Variants in SCGB1D4 observed in about 807,000 individuals in gnomAD.
SCGB1D4 encodes the protein IFN-gamma inducible SCGB (IIS).
In SCGB1D4, 6 loss-of-function variants were observed where a neutral mutation model predicts 8.1. The observed-to-expected ratio is 0.74, with a 90% CI of 0.40 to 1.45. The LOEUF (loss-of-function observed/expected upper bound fraction) is 1.45. Among genes scored for constraint, SCGB1D4 ranks in the 40% most tolerant of loss-of-function variants. The probability of loss-of-function intolerance (pLI) is 0.02; values close to 1 mark genes in which losing one functional copy is unlikely to be tolerated. For missense variants in SCGB1D4, 93 were observed against 95.0 expected (o/e 0.98, Z 0.09); for synonymous variants, 34 against 38.1 (o/e 0.89, Z 0.39).
chr11:62,297,754 T>G, intron 1 of SCGB1D4, 96 bp from the exon 2 acceptor site: 1 of 934,926 alleles, frequency 1.1e-6, no homozygotes, highest in East Asian at 2.5e-5. Flanking sequence ...CCCTGGGTTC[T>G]ATGTTTCTAT....
chr11:62,296,474 C>T (rs1590681956), intron 2 of SCGB1D4, 55 bp from the exon 3 acceptor site: 2 of 1,577,958 alleles, frequency 1.3e-6, no homozygotes, highest in East Asian at 2.2e-5. Flanking sequence ...CATGCTGCTG[C>T]TGGTGATGAT....
Position 62,297,457 on chromosome 11 carries a change from G to A in SCGB1D4, c.242+15C>T. On this transcript the variant is annotated intron_variant, in intron 2 of 2. Coordinates refer to ENST00000358585, the MANE Select transcript of SCGB1D4 (RefSeq NM_206998.2). ...GAGTTGAATTCTGCCTCTGCATAAA[G>A]GAGAAAGAAATTACCAGGACTTTTT... 1 of 1,599,804 alleles carries A rather than the reference G, an allele frequency of 6.3e-7. No homozygotes were observed. The highest frequency in any genetic ancestry group is 8.6e-7 in the Non-Finnish European group (1 of 1,168,816).
Position 62,298,010 on chromosome 11 carries a change from T to TTGTGTGTGTGTGTGTG in SCGB1D4, c.56-368_56-353dup, listed in dbSNP as rs71458409. 1.4e-4 allele frequency among the ~76,000 whole-genome samples: 16 copies of TTGTGTGTGTGTGTGTG among 116,224 alleles called. 1 individual carries two copies. The highest frequency in any genetic ancestry group is 4.0e-4 in the African/African-American group (12 of 30,114). The allele number at this position is 116,224 out of a possible 152,430, so 76.2% of individuals were successfully genotyped here. A position where few individuals can be genotyped will look rare whatever the true frequency, so the allele number is the denominator to read the frequency against. ...CCAGTGCCTGCCACCATGCCCGCTT[T>TTGTGTGTGTGTGTGTG]TGTGTGTGTGTGTGTGTGTGTGTGT... On this transcript the variant is annotated intron_variant, in intron 1 of 2. Coordinates refer to ENST00000358585, the MANE Select transcript of SCGB1D4 (RefSeq NM_206998.2).
intron 1 of SCGB1D4, among the ~76,000 whole-genome samples, 172 bp from the exon 2 acceptor site, chr11:62,297,830 A>G (rs1945455286): frequency 6.6e-6 from 1 of 152,084 alleles, no homozygotes; most frequent in Non-Finnish European, 1.5e-5. Flanking sequence ...CACACAACAA[A>G]GGGAAGAGCT....
intron 1 of SCGB1D4, 96 bp downstream of exon 1, chr11:62,298,860 G>T: frequency 8.4e-6 from 10 of 1,190,670 alleles, no homozygotes; most frequent in East Asian, 2.6e-5. Context: ...GTTTGGTTTT[G>T]TGCAGACCCC....
chr11:62,298,996 C>T lies in SCGB1D4; in HGVS notation c.15G>A (p.Val5=), dbSNP rs200327820. ...GGGCCAGCGAGACCATCAGGAGACACACTGACAGCCTCATGGTGGCTTATT... is the reference window on the plus strand; with the variant it reads ...GGGCCAGCGAGACCATCAGGAGACATACTGACAGCCTCATGGTGGCTTATT... MRLS[V]CLLMVSLALC... is the part of the protein sequence containing the mutation. Residue 5 remains valine (V), a synonymous_variant, in exon 1 of 3, where the codon GTG becomes GTA. Coordinates refer to ENST00000358585, the MANE Select transcript of SCGB1D4 (RefSeq NM_206998.2). 1.9e-6 allele frequency: 3 copies of T among 1,613,886 alleles called. No individual in the cohort carries two copies. The highest frequency in any genetic ancestry group is 1.1e-5 in the South Asian group (1 of 91,056).
rs748677839 is a variant in SCGB1D4 at position 62,296,401 on chromosome 11, AT to A, written c.*8del. 31 of 1,611,856 alleles carry A rather than the reference AT, an allele frequency of 1.9e-5. No individual in the cohort carries two copies. The highest frequency in any genetic ancestry group is 2.5e-5 in the Non-Finnish European group (30 of 1,178,724). On this transcript the variant is annotated 3_prime_UTR_variant, in exon 3 of 3. Transcript: ENST00000358585. The stretch of plus-strand genomic sequence containing the variant: ...AGCATTTTTACATGTCACACACCAC[AT>A]TTTTTCACTATTTCCACCTGAAATC...
chr11:62,297,341 T>C, intron 2 of SCGB1D4, 131 bp downstream of exon 2: 3 of 761,560 alleles, frequency 3.9e-6, no homozygotes, highest in Non-Finnish European at 6.6e-6. Context: ...GCCTTGGCCC[T>C]AGCTCACTCC....
chr11:62,296,299 T>C lies in SCGB1D4; in HGVS notation c.*111A>G. The C allele has an allele frequency of 1.0e-6, 1 of 964,530 alleles. No individual in the cohort carries two copies. Among genetic ancestry groups the C allele is most frequent in the East Asian group, 2.4e-5 (1 of 42,004 alleles). 59.7% of individuals were successfully genotyped at this position (964,530 alleles called of 1,614,324 possible). A position where few individuals can be genotyped will look rare whatever the true frequency, so the allele number is the denominator to read the frequency against. On this transcript the variant is annotated 3_prime_UTR_variant, in exon 3 of 3. Coordinates refer to ENST00000358585, the MANE Select transcript of SCGB1D4 (RefSeq NM_206998.2). The stretch of plus-strand genomic sequence containing the variant: ...GGAGATGTGCAGGGCAAGTGATTTA[T>C]TAAAGCAACGTGTTGAAACCTTTAC...
intron 1 of SCGB1D4, 68 bp downstream of exon 1, chr11:62,298,888 G>A: frequency 6.7e-7 from 1 of 1,497,680 alleles, no homozygotes; most frequent in Non-Finnish European, 9.2e-7. Flanking sequence ...AGCACAAATA[G>A]GTGATCTTGT....
intron 1 of SCGB1D4, among the ~76,000 whole-genome samples, chr11:62,298,301 A>T (rs1391869657): frequency 2.0e-5 from 3 of 152,052 alleles, no homozygotes. Context: ...ATTGTGCCCA[A>T]GATCAAGGGG....
At position 62,297,682 on chromosome 11, in the gene SCGB1D4, T is replaced by C. The variant is rs76294567; in HGVS notation, c.56-24A>G. 2.8e-5 allele frequency: 45 copies of C among 1,603,746 alleles called. No individual in the cohort carries two copies. In the East Asian group the frequency reaches 7.8e-4, roughly 28 times the overall value. On this transcript the variant is annotated intron_variant, in intron 1 of 2. Coordinates refer to ENST00000358585, the MANE Select transcript of SCGB1D4 (RefSeq NM_206998.2). ...GGCTGCAGCACAAAAATAAAAATAT[T>C]GTTGATGTTAGGAAAGTCGATTTTT...
chr11:62,298,741 A>G (rs1275893118), intron 1 of SCGB1D4, among the ~76,000 whole-genome samples: 1 of 143,304 alleles, frequency 7.0e-6, no homozygotes, highest in Non-Finnish European at 1.5e-5. Flanking sequence ...CCTGGGCAAC[A>G]AGAGCAAAAC....
intron 2 of SCGB1D4, 45 bp downstream of exon 2, chr11:62,297,427 C>T: frequency 1.4e-6 from 2 of 1,419,240 alleles, no homozygotes; most frequent in Non-Finnish European, 2.0e-6. Context: ...AGGCTGTGTG[C>T]AGCTGAGTTG....
intron 1 of SCGB1D4, among the ~76,000 whole-genome samples, 183 bp downstream of exon 1, chr11:62,298,773 A>G (rs1945465364): frequency 6.6e-6 from 1 of 150,852 alleles, no homozygotes; most frequent in African/African-American, 2.5e-5. Context: ...AAAAAAAAAA[A>G]AAGGAAGAAG....
chr11:62,298,010 T>TTGTGTGTGTGTG lies in SCGB1D4; in HGVS notation c.56-364_56-353dup, dbSNP rs71458409. 3.7e-3 allele frequency among the ~76,000 whole-genome samples: 434 copies of TTGTGTGTGTGTG among 116,208 alleles called. 6 individuals are homozygous for TTGTGTGTGTGTG. Among genetic ancestry groups the TTGTGTGTGTGTG allele is most frequent in the African/African-American group, 0.013 (396 of 30,098 alleles). The allele number at this position is 116,208 out of a possible 152,430, so 76.2% of individuals were successfully genotyped here. A position where few individuals can be genotyped will look rare whatever the true frequency, so the allele number is the denominator to read the frequency against. ...CCAGTGCCTGCCACCATGCCCGCTT[T>TTGTGTGTGTGTG]TGTGTGTGTGTGTGTGTGTGTGTGT... On this transcript the variant is annotated intron_variant, in intron 1 of 2. Transcript: ENST00000358585.
Position 62,296,324 on chromosome 11 carries a change from C to G in SCGB1D4, c.*86G>C. 1 of 1,220,318 alleles carries G rather than the reference C, an allele frequency of 8.2e-7. No individual in the cohort carries two copies. The highest frequency in any genetic ancestry group is 1.2e-6 in the Non-Finnish European group (1 of 823,528). 75.6% of individuals were successfully genotyped at this position (1,220,318 alleles called of 1,614,324 possible). ...TTAAAGCAACGTGTTGAAACCTTTA[C>G]AATTTTTAGTGAAGATCAGGGTGTC... is the stretch of plus-strand genomic sequence containing the variant. On this transcript the variant is annotated 3_prime_UTR_variant, in exon 3 of 3. Transcript: ENST00000358585.
At chr11:62,298,282 A>C (rs1480614850) in intron 1 of SCGB1D4, among the ~76,000 whole-genome samples, 2 of 151,994 alleles carry the variant, frequency 1.3e-5, no homozygotes, top group Non-Finnish European at 2.9e-5. Flanking sequence ...AGGCTCAAGG[A>C]GGGTGAGCAT....
At chr11:62,298,372 C>T (rs1353874217) in intron 1 of SCGB1D4, among the ~76,000 whole-genome samples, 2 of 152,132 alleles carry the variant, frequency 1.3e-5, no homozygotes, top group Non-Finnish European at 2.9e-5. Flanking sequence ...GACACAGATC[C>T]CATTCAGAAG....
Sources: allele counts gnomAD v4.1 joint callset (sites outside exome capture counted in the v4.1 genomes callset), GRCh38; gene constraint gnomAD v4.1.1; transcripts MANE v1.5; gene names NCBI Gene and HGNC (gene_info 2026-07-23, HGNC 2026-07-21).